PRRC2B: variants seen among roughly 807,000 people sequenced by gnomAD.
The protein encoded by PRRC2B is proline rich coiled-coil 2B.
In PRRC2B, 68 loss-of-function variants were observed where a neutral mutation model predicts 242.3. That is an observed-to-expected ratio of 0.28 (90% CI 0.23 to 0.34). The LOEUF is 0.34. PRRC2B is among the 10% of genes least tolerant of loss of function. The pLI, the probability that PRRC2B is intolerant of heterozygous loss-of-function variation, is 1.00. For synonymous variants in PRRC2B, 1,228 were observed against 1,173.6 expected (o/e 1.05, Z -0.95); for missense variants, 2,835 against 2,954.8 (o/e 0.96, Z 0.94).
rs572912330 is a variant in PRRC2B, at chr9:131,482,137, A to T, written c.4984-234A>T. ...GGGTCACAAGTGAGATGGGTTTGGC[A>T]GCCTCGGTCTGGGGCCCATAGAAGA... On this transcript the variant is annotated intron_variant, in intron 20 of 31. Transcript: ENST00000683519. The surrounding 1 kb of genome is among the most constrained non-coding windows in gnomAD (Gnocchi z 5.2). Among the ~76,000 whole-genome samples, 1 of 152,352 alleles carries T rather than the reference A, an allele frequency of 6.6e-6. No homozygotes were observed. Among genetic ancestry groups the T allele is most frequent in the African/African-American group, 2.4e-5 (1 of 41,576 alleles).
In PRRC2B at chr9:131,467,637, G is replaced by T. The variant is rs1288259652; in HGVS notation, c.1795G>T (p.Ala599Ser). 1 of 1,613,724 alleles carries T rather than the reference G, an allele frequency of 6.2e-7. No individual in the cohort carries two copies. The highest frequency in any genetic ancestry group is 1.3e-5 in the African/African-American group (1 of 74,886). ...GGCACCCACAGTGTCCCCAGCAGTGGCACAGAGCAACAGCAGTGAGGAAGA... is the reference window on the plus strand; with the variant it reads ...GGCACCCACAGTGTCCCCAGCAGTGTCACAGAGCAACAGCAGTGAGGAAGA... ...EEAPTVSPAV[A>S]QSNSSEEEAR... The change falls in exon 13 of 32, where the codon GCA (alanine) becomes TCA (serine). Residue 599 changes from alanine to serine, a missense_variant. Ala to Ser is a moderately conservative substitution (Grantham distance 99). This residue lies in a region of PRRC2B where 1,536 missense variants were observed against 1,483.1 expected (regional missense o/e 1.04). Transcript: ENST00000683519.
chr9:131,390,982 T>G (rs998013492), upstream of PRRC2B, among the ~76,000 whole-genome samples: 18 of 151,832 alleles, frequency 1.2e-4, no homozygotes, highest in African/African-American at 3.9e-4. Flanking sequence ...AGACAGGGTT[T>G]CACCATGTTG....
rs1943432379 is a variant in PRRC2B at position 131,467,556 on chromosome 9, T to C, written c.1721-7T>C. On this transcript the variant is annotated splice_region_variant and splice_polypyrimidine_tract_variant and intron_variant, in intron 12 of 31. Transcript: ENST00000683519. ...CTGTGTCATTTCTCTGCTGGTATAT[T>C]CTCTAGGCTCCCCAGAATTCCCTGC... 1 of 1,591,162 alleles carries C rather than the reference T, an allele frequency of 6.3e-7. No homozygotes were observed. The highest frequency in any genetic ancestry group is 8.6e-7 in the Non-Finnish European group (1 of 1,168,820).
At chr9:131,490,075 G>A (rs1017119702) in intron 28 of PRRC2B, among the ~76,000 whole-genome samples, 1 of 152,086 alleles carries the variant, frequency 6.6e-6, no homozygotes, top group Non-Finnish European at 1.5e-5. Context: ...GCTCAGATCT[G>A]TCCCTGGAAT....
intron 1 of PRRC2B, among the ~76,000 whole-genome samples, chr9:131,403,274 T>A (rs1837272323): frequency 1.3e-5 from 2 of 152,238 alleles, no homozygotes; most frequent in East Asian, 3.8e-4. Flanking sequence ...AATCATAATG[T>A]GGTATTTTCT....
chr9:131,483,000 A>C lies in PRRC2B; in HGVS notation c.5373+93A>C. ...GGCTCAGATGGGATTGTCTCCTAGAAGGAATAGAAGGATGGGAGCCAAGCA... is the reference window on the plus strand; with the variant it reads ...GGCTCAGATGGGATTGTCTCCTAGACGGAATAGAAGGATGGGAGCCAAGCA... On this transcript the variant is annotated intron_variant, in intron 22 of 31. Coordinates refer to ENST00000683519, the MANE Select transcript of PRRC2B (RefSeq NM_013318.4). This position sits in a 1 kb window ranked among gnomAD's most constrained non-coding sequence, Gnocchi z 5.2. 7.1e-7 allele frequency: 1 copy of C among 1,409,436 alleles called. No homozygotes were observed. The highest frequency in any genetic ancestry group is 9.7e-7 in the Non-Finnish European group (1 of 1,028,330). 87.3% of individuals were successfully genotyped at this position (1,409,436 alleles called of 1,614,324 possible).
chr9:131,467,568 C>A lies in PRRC2B; in HGVS notation c.1726C>A (p.Pro576Thr). ...ENGPAVHKGSPEFPAQETPTT... is the reference protein window; with the variant it reads ...ENGPAVHKGSTEFPAQETPTT... Reference sequence around the variant, plus strand: ...TCTGCTGGTATATTCTCTAGGCTCCCCAGAATTCCCTGCCCAAGAGACCCC... The same window carrying A: ...TCTGCTGGTATATTCTCTAGGCTCCACAGAATTCCCTGCCCAAGAGACCCC... Residue 576 changes from proline to threonine, a missense_variant, in exon 13 of 32, where the codon CCA becomes ACA. Physicochemically the swap from Pro to Thr is conservative, Grantham distance 38. Coordinates refer to ENST00000683519, the MANE Select transcript of PRRC2B (RefSeq NM_013318.4). The A allele has an allele frequency of 1.2e-6, 2 of 1,602,746 alleles. No individual in the cohort carries two copies. The highest frequency in any genetic ancestry group is 1.7e-5 in the Admixed American group (1 of 58,370).
At chr9:131,431,711 T>A (rs1838178730) in intron 2 of PRRC2B, among the ~76,000 whole-genome samples, 2 of 151,514 alleles carry the variant, frequency 1.3e-5, no homozygotes, top group Non-Finnish European at 2.9e-5. Flanking sequence ...CTCAGCCTCC[T>A]GAGTGGCTGG....
chr9:131,490,371 A>G (rs1944154024), intron 28 of PRRC2B: 2 of 497,676 alleles, frequency 4.0e-6, no homozygotes, highest in Admixed American at 2.0e-5. Flanking sequence ...TGCAAGTCAG[A>G]TCATACCCCA....
intron 1 of PRRC2B, among the ~76,000 whole-genome samples, chr9:131,383,020 A>G (rs748185): frequency 0.72 from 109,460 of 151,882 alleles, 39,570 homozygotes; most frequent in South Asian, 0.87. Flanking sequence ...ACAGCGTGGG[A>G]TGTCCTCCCG....
chr9:131,459,290 A>T lies in PRRC2B; in HGVS notation c.1338A>T (p.Arg446=). 1 of 1,613,878 alleles carries T rather than the reference A, an allele frequency of 6.2e-7. No individual in the cohort carries two copies. Among genetic ancestry groups the T allele is most frequent in the Non-Finnish European group, 8.5e-7 (1 of 1,179,854 alleles). ...CAGTGGGTGCGTCCCGTGTGGTCCG[A>T]AAGGCGCCAGACCCTCAGCCACCGC... ...AEAVGASRVV[R]KAPDPQPPPR... The change falls in exon 11 of 32, where the codon CGA becomes CGT. Residue 446 remains arginine, a synonymous_variant. Coordinates refer to ENST00000683519, the MANE Select transcript of PRRC2B (RefSeq NM_013318.4).
At chr9:131,408,934 G>A (rs1040722042) in intron 1 of PRRC2B, among the ~76,000 whole-genome samples, 4 of 151,626 alleles carry the variant, frequency 2.6e-5, no homozygotes, top group African/African-American at 9.7e-5. Flanking sequence ...GGTCAGGCTG[G>A]TCTCAAACTC....
intron 1 of PRRC2B, among the ~76,000 whole-genome samples, chr9:131,426,993 CGGA>C (rs1837993298): frequency 6.6e-6 from 1 of 152,148 alleles, no homozygotes; most frequent in Non-Finnish European, 1.5e-5. Flanking sequence ...CCATGTGGGG[CGGA>C]GAGGAGAATT....
At chr9:131,434,163 C>A (rs138469716) in intron 3 of PRRC2B, among the ~76,000 whole-genome samples, 1 of 152,342 alleles carries the variant, frequency 6.6e-6, no homozygotes, top group East Asian at 1.9e-4. Context: ...TAGCCTAAAC[C>A]TGGCACAGAG....
Position 131,498,215 on chromosome 9 carries a change from T to TA in PRRC2B, c.*2348dup, listed in dbSNP as rs932861422. 2 of 150,998 alleles carry TA rather than the reference T, an allele frequency of 1.3e-5. No individual in the cohort carries two copies. Among genetic ancestry groups the TA allele is most frequent in the African/African-American group, 4.9e-5 (2 of 41,096 alleles). The allele number at this position is 150,998 out of a possible 1,614,324, so 9.4% of individuals were successfully genotyped here. ...TTCCTTTCTCCTCCCCCACCCCAAA[T>TA]AAAAAAACAAAAAACACTAGAATTT... On this transcript the variant is annotated 3_prime_UTR_variant, in exon 32 of 32. Transcript: ENST00000683519.
chr9:131,400,849 T>G (rs1837208698), intron 1 of PRRC2B, among the ~76,000 whole-genome samples: 1 of 152,172 alleles, frequency 6.6e-6, no homozygotes, highest in Non-Finnish European at 1.5e-5. Context: ...AGTTTTTGTT[T>G]CTAGGGACAT....
chr9:131,444,361 A>C, intron 6 of PRRC2B, 33 bp downstream of exon 6: 1 of 1,599,388 alleles, frequency 6.3e-7, no homozygotes, highest in Non-Finnish European at 8.5e-7. Flanking sequence ...CACTCGATGG[A>C]GTAACAGAAC....
At chr9:131,418,757 C>T (rs1837724844) in intron 1 of PRRC2B, among the ~76,000 whole-genome samples, 1 of 152,198 alleles carries the variant, frequency 6.6e-6, no homozygotes. Flanking sequence ...CCTGAGTTTT[C>T]TTTAAAATTA....
rs780705710 is a variant in PRRC2B, at chr9:131,476,297, C to T, written c.4168C>T (p.Arg1390Trp). The T allele has an allele frequency of 2.5e-6, 4 of 1,586,872 alleles. No individual in the cohort carries two copies. Among genetic ancestry groups the T allele is most frequent in the South Asian group, 2.3e-5 (2 of 88,026 alleles). Residue 1390 changes from arginine (R) to tryptophan (W), a missense_variant, in exon 16 of 32, where the codon CGG becomes TGG. Physicochemically the swap from Arg to Trp is moderately radical, Grantham distance 101. Transcript: ENST00000683519. ...SSDFSERRERREGPGSEPDSQ... is the reference protein window; with the variant it reads ...SSDFSERRERWEGPGSEPDSQ... Reference sequence around the variant, plus strand: ...CGACTTCAGCGAGCGGCGGGAGCGGCGGGAAGGCCCTGGGTCCGAGCCCGA... The same window carrying T: ...CGACTTCAGCGAGCGGCGGGAGCGGTGGGAAGGCCCTGGGTCCGAGCCCGA...
Sources: gnomAD v4.1 joint callset for allele counts (sites outside exome capture counted in the v4.1 genomes callset) on GRCh38, gnomAD v4.1.1 for gene constraint, gnomAD v4.1.1 regional missense constraint, Gnocchi (gnomAD v3.1) non-coding constraint, MANE v1.5 for transcripts, NCBI Gene and HGNC (gene_info 2026-07-23, HGNC 2026-07-21) for gene names.